SV2C: variants seen among roughly 807,000 people sequenced by gnomAD.
The protein encoded by SV2C is synaptic vesicle glycoprotein 2C.
Under a neutral mutation model 79.7 loss-of-function variants are expected in SV2C, and 49 were observed. The observed-to-expected ratio is 0.61, with a 90% CI of 0.49 to 0.78. SV2C has a LOEUF of 0.78. SV2C is among the 30% of genes least tolerant of loss of function. The pLI is 0.00. For synonymous variants in SV2C, 334 were observed against 333.2 expected (o/e 1.00, Z -0.03); for missense variants, 833 against 912.9 (o/e 0.91, Z 1.13).
At chr5:76,038,079 C>G in the SV2C span, among the ~76,000 whole-genome samples, 1 of 152,242 alleles carries the variant, frequency 6.6e-6, no homozygotes, top group South Asian at 2.1e-4. Flanking sequence ...CGGAGTGAGG[C>G]AATGCCTTGC....
intron 12 of SV2C, among the ~76,000 whole-genome samples, chr5:76,308,712 C>T (rs376007394): frequency 1.1e-4 from 17 of 152,278 alleles, no homozygotes; most frequent in Non-Finnish European, 2.2e-4. Flanking sequence ...GCAGGGAACT[C>T]CCCATCCCCA....
the SV2C span, among the ~76,000 whole-genome samples, chr5:75,983,413 G>A: frequency 6.6e-5 from 10 of 151,996 alleles, no homozygotes; most frequent in Non-Finnish European, 1.0e-4. Context: ...GAAGGTCTGC[G>A]GCTTGGGAGG....
chr5:75,901,556 G>A, the SV2C span, among the ~76,000 whole-genome samples: 2 of 152,192 alleles, frequency 1.3e-5, no homozygotes, highest in Non-Finnish European at 2.9e-5. Flanking sequence ...CACTTGAGGG[G>A]GCAATCTGCC....
At chr5:75,974,461 C>T in the SV2C span, among the ~76,000 whole-genome samples, 1 of 152,074 alleles carries the variant, frequency 6.6e-6, no homozygotes, top group Non-Finnish European at 1.5e-5. Context: ...ATACCATTAT[C>T]TCAGGTTGTC....
At chr5:75,920,509 C>G in the SV2C span, among the ~76,000 whole-genome samples, 86,389 of 152,108 alleles carry the variant, frequency 0.57, 26,067 homozygotes, top group African/African-American at 0.79. Flanking sequence ...GTGGGCTAAG[C>G]GGGGAACAGG....
At chr5:76,299,074 A>G in intron 10 of SV2C, 147 bp downstream of exon 10, 5 of 1,065,150 alleles carry the variant, frequency 4.7e-6, no homozygotes, top group East Asian at 2.7e-5. Context: ...GGTTGGATCA[A>G]AGGTTGGCTT....
Position 76,326,669 on chromosome 5 carries a change from C to G in SV2C, c.*1122C>G, listed in dbSNP as rs1749006510. The G allele has an allele frequency of 6.6e-6, 1 of 152,400 alleles. No homozygotes were observed. The highest frequency in any genetic ancestry group is 2.4e-5 in the African/African-American group (1 of 41,446). The allele number at this position is 152,400 out of a possible 1,614,324, so 9.4% of individuals were successfully genotyped here. A position where few individuals can be genotyped will look rare whatever the true frequency, so the allele number is the denominator to read the frequency against. On this transcript the variant is annotated 3_prime_UTR_variant, in exon 13 of 13. Transcript: ENST00000502798. ...TCCCTCTAGCTTCCCCAGGGCTGGC[C>G]CACTGCTCAATGCGCTCCTGGCTCC...
intron 8 of SV2C, among the ~76,000 whole-genome samples, chr5:76,292,582 G>C (rs1377188120): frequency 6.6e-6 from 1 of 152,104 alleles, no homozygotes; most frequent in African/African-American, 2.4e-5. Context: ...GGAAGCTTAA[G>C]AGTGTTATAA....
chr5:76,253,314 C>T lies in SV2C; in HGVS notation c.914-31848C>T, dbSNP rs186323401. Among the ~76,000 whole-genome samples, 28 of 151,980 alleles carry T rather than the reference C, an allele frequency of 1.8e-4. No homozygotes were observed. In the East Asian group the frequency reaches 4.4e-3, roughly 24 times the overall value. On this transcript the variant is annotated intron_variant, in intron 4 of 12. Coordinates refer to ENST00000502798, the MANE Select transcript of SV2C (RefSeq NM_014979.4). Reference sequence around the variant, plus strand: ...TTTTTGCTTTTTGGTTTTTTTGAGACGAGATCTCACTCTGTCGCCCAGGCT... The same window carrying T: ...TTTTTGCTTTTTGGTTTTTTTGAGATGAGATCTCACTCTGTCGCCCAGGCT...
At chr5:76,032,191 T>C in the SV2C span, among the ~76,000 whole-genome samples, 1 of 152,180 alleles carries the variant, frequency 6.6e-6, no homozygotes, top group African/African-American at 2.4e-5. Flanking sequence ...AAGAAAATAA[T>C]ATGATTTCTC....
At chr5:76,274,417 T>C (rs1050070884) in intron 4 of SV2C, among the ~76,000 whole-genome samples, 4 of 152,168 alleles carry the variant, frequency 2.6e-5, no homozygotes, top group Non-Finnish European at 4.4e-5. Flanking sequence ...CCTAGTCATT[T>C]TCTAGATATG....
At chr5:75,851,479 A>G in the SV2C span, among the ~76,000 whole-genome samples, 1 of 152,230 alleles carries the variant, frequency 6.6e-6, no homozygotes, top group Admixed American at 6.5e-5. Flanking sequence ...TTTTTCGCCC[A>G]TGGTAACACC....
intron 1 of SV2C, among the ~76,000 whole-genome samples, chr5:76,117,953 C>T (rs1401540342): frequency 2.6e-5 from 4 of 152,148 alleles, no homozygotes; most frequent in Non-Finnish European, 5.9e-5. Context: ...AAACAATTTA[C>T]AACATATATG....
intron 12 of SV2C, among the ~76,000 whole-genome samples, chr5:76,351,356 G>C (rs1749638064): frequency 6.6e-6 from 1 of 152,046 alleles, no homozygotes; most frequent in Non-Finnish European, 1.5e-5. Flanking sequence ...GCTGAAGTGA[G>C]AGGATAGCTT....
the SV2C span, among the ~76,000 whole-genome samples, chr5:75,924,458 T>C: frequency 1.3e-5 from 2 of 152,314 alleles, no homozygotes; most frequent in African/African-American, 2.4e-5. Flanking sequence ...TTTTGTCTTA[T>C]ACAATAAAAA....
intron 1 of SV2C, among the ~76,000 whole-genome samples, chr5:76,124,738 A>T (rs925168811): frequency 6.6e-6 from 1 of 152,214 alleles, no homozygotes; most frequent in African/African-American, 2.4e-5. Context: ...AACAGTGCAC[A>T]TGGCTCCATA....
chr5:75,907,401 G>A, the SV2C span, among the ~76,000 whole-genome samples: 1 of 152,132 alleles, frequency 6.6e-6, no homozygotes, highest in Non-Finnish European at 1.5e-5. Flanking sequence ...CAGGTTCTGG[G>A]GCCAGTAATG....
At chr5:76,054,764 A>G in the SV2C span, among the ~76,000 whole-genome samples, 1 of 151,788 alleles carries the variant, frequency 6.6e-6, no homozygotes, top group Non-Finnish European at 1.5e-5. Flanking sequence ...GCTTTTTTTT[A>G]TATGTTTGTT....
At chr5:76,150,819 T>G (rs1277391122) in intron 2 of SV2C, among the ~76,000 whole-genome samples, 1 of 151,582 alleles carries the variant, frequency 6.6e-6, no homozygotes, top group Non-Finnish European at 1.5e-5. Context: ...TTTATTTTTT[T>G]GTGGAGATGG....
Sources: allele counts gnomAD v4.1 joint callset (sites outside exome capture counted in the v4.1 genomes callset), GRCh38; gene constraint gnomAD v4.1.1; transcripts MANE v1.5; gene names NCBI Gene and HGNC (gene_info 2026-07-23, HGNC 2026-07-21).